The following PCGF5 variants were observed in gnomAD, a reference collection of about 807,000 sequenced individuals.
The protein encoded by PCGF5 is polycomb group ring finger 5.
A neutral mutation model predicts 44.3 loss-of-function variants in PCGF5; 9 were observed. The observed-to-expected ratio is 0.20, with a 90% CI of 0.12 to 0.35. The LOEUF (loss-of-function observed/expected upper bound fraction) is 0.35, where lower values mean the gene tolerates loss of function less well. PCGF5 is among the 10% of genes least tolerant of loss of function. The probability of loss-of-function intolerance (pLI) is 1.00; values close to 1 mark genes in which losing one functional copy is unlikely to be tolerated. For missense variants in PCGF5, 146 were observed against 305.3 expected, an observed-to-expected ratio of 0.48 and a Z score of 3.89; for synonymous variants, 95 against 102.5, an observed-to-expected ratio of 0.93 and a Z score of 0.44.
chr10:91,159,613 G>T (rs543562358), upstream of PCGF5, among the ~76,000 whole-genome samples: 12 of 152,232 alleles, frequency 7.9e-5, no homozygotes, highest in African/African-American at 2.9e-4. Flanking sequence ...TGTGAGAAAT[G>T]AATGTTTGTT....
In PCGF5 at chr10:91,206,870, CCTAA is replaced by C. The variant is rs767127316; in HGVS notation, c.-183-15814_-183-15811del. Among the ~76,000 whole-genome samples, 111 of 152,300 alleles carry C rather than the reference CCTAA, an allele frequency of 7.3e-4. 2 individuals are homozygous for C. The highest frequency in any genetic ancestry group is 1.3e-3 in the Non-Finnish European group (87 of 68,024). The stretch of plus-strand genomic sequence containing the variant: ...TCATTCAGATCTGTGCTAAATGTCA[CCTAA>C]CTAAATCCTTCTCTCACCTCCCTAT... On this transcript the variant is annotated intron_variant, in intron 1 of 9. Transcript: ENST00000614189.
At chr10:91,263,465 CTTAAAG>C (rs1845973668) in intron 7 of PCGF5, among the ~76,000 whole-genome samples, 1 of 152,162 alleles carries the variant, frequency 6.6e-6, no homozygotes, top group South Asian at 2.1e-4. Context: ...CTATACTCAT[CTTAAAG>C]TTCAAAACTG....
rs78150289 is a variant in PCGF5 at position 91,240,899 on chromosome 10, G to A, written c.209+319G>A. 4.2e-3 allele frequency among the ~76,000 whole-genome samples: 637 copies of A among 151,278 alleles called. 4 individuals carry two copies. Among genetic ancestry groups the A allele is most frequent in the African/African-American group, 0.015 (603 of 41,324 alleles). ...TTGAGCTACATGGTAGTAGAAAGAG[G>A]GAGAACTCATAGAAAGACTAATATT... On this transcript the variant is annotated intron_variant, in intron 3 of 9. Transcript: ENST00000336126.
rs189225821 is a variant in PCGF5, at chr10:91,172,723, C to T, written c.-184+9642C>T. 2.1e-3 allele frequency among the ~76,000 whole-genome samples: 317 copies of T among 152,336 alleles called. 1 individual carries two copies. Among genetic ancestry groups the T allele is most frequent in the African/African-American group, 7.0e-3 (293 of 41,584 alleles). ...CAAGTTAAACTAACCTTTGTGGCCG[C>T]AGACACATTGTTATATCAACTAGAA... On this transcript the variant is annotated intron_variant, in intron 1 of 9. Transcript: ENST00000614189.
intron 1 of PCGF5, among the ~76,000 whole-genome samples, chr10:91,212,948 T>A (rs375493332): frequency 1.3e-5 from 2 of 152,240 alleles, no homozygotes; most frequent in Non-Finnish European, 2.9e-5. Context: ...ATATGTGTTA[T>A]ACTATATGAA....
chr10:91,176,604 T>G (rs1392132286), intron 1 of PCGF5, among the ~76,000 whole-genome samples: 4 of 152,130 alleles, frequency 2.6e-5, no homozygotes, highest in Admixed American at 2.0e-4. Flanking sequence ...GAGGCCTTGT[T>G]CATTTCTTTT....
At chr10:91,239,606 G>GGA (rs1213624222) in intron 2 of PCGF5, among the ~76,000 whole-genome samples, 1 of 152,158 alleles carries the variant, frequency 6.6e-6, no homozygotes, top group Non-Finnish European at 1.5e-5. Flanking sequence ...ATAGAATGGA[G>GGA]GAGGAGTATT....
At chr10:91,275,449 T>A (rs1006891896) in intron 9 of PCGF5, among the ~76,000 whole-genome samples, 5 of 151,626 alleles carry the variant, frequency 3.3e-5, no homozygotes, top group Admixed American at 6.6e-5. Flanking sequence ...CATTTTATTT[T>A]TTTTTTTTTT....
At chr10:91,204,334 T>TAA (rs11404081) in intron 1 of PCGF5, among the ~76,000 whole-genome samples, 29 of 150,870 alleles carry the variant, frequency 1.9e-4, no homozygotes, top group South Asian at 4.2e-4. Context: ...GGTTTTCATT[T>TAA]AAAAAAAAAC....
chr10:91,208,794 G>A (rs1844395390), intron 1 of PCGF5, among the ~76,000 whole-genome samples: 1 of 152,132 alleles, frequency 6.6e-6, no homozygotes, highest in African/African-American at 2.4e-5. Flanking sequence ...TCAGTTCCTG[G>A]TTTCTGGGAC....
intron 8 of PCGF5, among the ~76,000 whole-genome samples, chr10:91,269,669 G>A (rs1044960720): frequency 3.9e-5 from 6 of 152,100 alleles, no homozygotes; most frequent in African/African-American, 1.4e-4. Flanking sequence ...GATACAAATT[G>A]TCCTCTGAAA....
chr10:91,168,818 CT>C (rs1462067526), intron 1 of PCGF5, among the ~76,000 whole-genome samples: 2 of 149,210 alleles, frequency 1.3e-5, no homozygotes, highest in Admixed American at 1.4e-4. Flanking sequence ...ATCTCAGCTA[CT>C]AGGGCTGCTG....
chr10:91,206,072 T>G (rs893533385), intron 1 of PCGF5, among the ~76,000 whole-genome samples: 4 of 152,112 alleles, frequency 2.6e-5, no homozygotes, highest in Non-Finnish European at 5.9e-5. Context: ...TTGGGCAAAT[T>G]TTGGCAACAG....
At chr10:91,219,831 C>T (rs897739651), upstream of PCGF5, among the ~76,000 whole-genome samples, 1 of 152,142 alleles carries the variant, frequency 6.6e-6, no homozygotes, top group Non-Finnish European at 1.5e-5. Context: ...ACTTGTATGG[C>T]TGCTGGACTA....
intron 8 of PCGF5, among the ~76,000 whole-genome samples, chr10:91,270,858 CAATTACAATTAA>C (rs1846162356): frequency 6.6e-6 from 1 of 151,572 alleles, no homozygotes; most frequent in Non-Finnish European, 1.5e-5. Flanking sequence ...TTTTGTAGTC[CAATTACAATTAA>C]AATTACATTT....
intron 6 of PCGF5, among the ~76,000 whole-genome samples, chr10:91,256,918 G>C (rs1845766492): frequency 6.6e-6 from 1 of 151,996 alleles, no homozygotes; most frequent in Non-Finnish European, 1.5e-5. Flanking sequence ...TCTTAGAAAT[G>C]ACACCAAAAG....
chr10:91,197,554 A>G (rs913379994), intron 1 of PCGF5, among the ~76,000 whole-genome samples: 3 of 152,154 alleles, frequency 2.0e-5, no homozygotes, highest in Admixed American at 6.5e-5. Flanking sequence ...CAGTGAAGCA[A>G]TGGGGACTCA....
intron 2 of PCGF5, among the ~76,000 whole-genome samples, chr10:91,234,371 T>C (rs1845092861): frequency 6.6e-6 from 1 of 152,216 alleles, no homozygotes; most frequent in Admixed American, 6.5e-5. Flanking sequence ...TTGGTCAATC[T>C]TGGACACACA....
intron 9 of PCGF5, among the ~76,000 whole-genome samples, chr10:91,273,270 C>A (rs551248790): frequency 6.6e-6 from 1 of 152,280 alleles, no homozygotes; most frequent in South Asian, 2.1e-4. Flanking sequence ...GTTTCAGCTG[C>A]TTTAGCCTCA....
Sources: gnomAD v4.1 joint callset for allele counts (sites outside exome capture counted in the v4.1 genomes callset) on GRCh38, gnomAD v4.1.1 for gene constraint, MANE v1.5 for transcripts, NCBI Gene and HGNC (gene_info 2026-07-23, HGNC 2026-07-21) for gene names.